Variants in HECW1 observed in about 807,000 individuals in gnomAD.
HECW1 encodes HECT, C2 and WW domain containing E3 ubiquitin protein ligase 1.
A neutral mutation model predicts 182.3 loss-of-function variants in HECW1; 61 were observed. The ratio of observed to expected loss-of-function variants is 0.33; its 90% CI spans 0.27 to 0.41. The LOEUF is 0.41. HECW1 is among the 10% of genes least tolerant of loss of function. The probability of loss-of-function intolerance (pLI) is 1.00; values close to 1 mark genes in which losing one functional copy is unlikely to be tolerated. For synonymous variants in HECW1, 859 were observed against 832.6 expected (o/e 1.03, Z -0.55); for missense variants, 1,739 against 2,108.9 (o/e 0.82, Z 3.44).
Position 43,565,666 on chromosome 7 carries a change from C to T in HECW1, c.*3740C>T, listed in dbSNP as rs890759011. ...ATCATAAAAATCTGGGATGGATGTT[C>T]CAGCCATCATAAGGTCCAAAAGAAA... On this transcript the variant is annotated 3_prime_UTR_variant, in exon 30 of 30. Transcript: ENST00000395891. 5.6e-6 allele frequency: 1 copy of T among 180,026 alleles called. No homozygotes were observed. Among genetic ancestry groups the T allele is most frequent in the Non-Finnish European group, 1.2e-5 (1 of 84,598 alleles). 11.2% of individuals were successfully genotyped at this position (180,026 alleles called of 1,614,324 possible).
intron 11 of HECW1, among the ~76,000 whole-genome samples, chr7:43,445,781 C>T (rs965094994): frequency 1.3e-5 from 2 of 152,184 alleles, no homozygotes; most frequent in African/African-American, 4.8e-5. Flanking sequence ...GTCTCAGATA[C>T]ACACCAGGAA....
At chr7:43,394,761 A>C (rs1382822174) in intron 6 of HECW1, among the ~76,000 whole-genome samples, 2 of 152,190 alleles carry the variant, frequency 1.3e-5, no homozygotes, top group Admixed American at 1.3e-4. Flanking sequence ...CGATTCATCA[A>C]GACAGGGGAA....
chr7:43,396,999 C>A, intron 7 of HECW1, 110 bp downstream of exon 7: 1 of 794,238 alleles, frequency 1.3e-6, no homozygotes, highest in Non-Finnish European at 2.2e-6. Context: ...CCTCTCTGTG[C>A]CTCAATTTCT....
At chr7:43,310,121 TA>T (rs1362499705) in intron 3 of HECW1, among the ~76,000 whole-genome samples, 3 of 152,236 alleles carry the variant, frequency 2.0e-5, no homozygotes, top group Admixed American at 2.0e-4. Flanking sequence ...TGTAAGATGG[TA>T]TTAGCCCACT....
chr7:43,293,399 G>A (rs1805660244), intron 3 of HECW1, among the ~76,000 whole-genome samples: 1 of 152,140 alleles, frequency 6.6e-6, no homozygotes, highest in Admixed American at 6.5e-5. Context: ...TGAAGTGGTA[G>A]CCCACAATCA....
chr7:43,427,592 A>G (rs2076401679), intron 8 of HECW1, among the ~76,000 whole-genome samples: 1 of 152,172 alleles, frequency 6.6e-6, no homozygotes, highest in Non-Finnish European at 1.5e-5. Flanking sequence ...AATTGCCACA[A>G]ATTTAGCAAC....
At chr7:43,169,545 A>G (rs554592804) in intron 2 of HECW1, among the ~76,000 whole-genome samples, 3 of 152,168 alleles carry the variant, frequency 2.0e-5, no homozygotes, top group Non-Finnish European at 4.4e-5. Flanking sequence ...AACTCAGCCC[A>G]ATTTCACTTC....
chr7:43,268,754 TTTG>T (rs145099342), intron 3 of HECW1, among the ~76,000 whole-genome samples: 21,845 of 151,852 alleles, frequency 0.14, 2,057 homozygotes, highest in South Asian at 0.26. Context: ...TGACCTGTGT[TTTG>T]TTGTTGTTGT....
intron 3 of HECW1, among the ~76,000 whole-genome samples, chr7:43,260,418 C>A (rs936542651): frequency 7.2e-5 from 11 of 151,956 alleles, no homozygotes; most frequent in African/African-American, 2.7e-4. Flanking sequence ...ACACAGGGAG[C>A]AAGGAAAAGA....
chr7:43,396,688 A>C (rs1489534297), intron 6 of HECW1, 126 bp from the exon 7 acceptor site: 2 of 652,610 alleles, frequency 3.1e-6, no homozygotes, highest in Non-Finnish European at 5.5e-6. Context: ...ATAGTTGCCC[A>C]GTGAAATCAC....
chr7:43,281,364 G>A (rs1803878764), intron 3 of HECW1, among the ~76,000 whole-genome samples: 1 of 152,218 alleles, frequency 6.6e-6, no homozygotes. Context: ...CTGACATTGG[G>A]TGGACACCTG....
intron 3 of HECW1, among the ~76,000 whole-genome samples, chr7:43,305,468 G>A (rs1438663886): frequency 2.0e-5 from 3 of 152,040 alleles, no homozygotes; most frequent in African/African-American, 7.3e-5. Flanking sequence ...TCTTATAATC[G>A]CCCATAAACA....
intron 3 of HECW1, among the ~76,000 whole-genome samples, chr7:43,291,146 A>G (rs1192924636): frequency 2.0e-5 from 3 of 152,222 alleles, no homozygotes; most frequent in Non-Finnish European, 4.4e-5. Context: ...TAGCACTCGA[A>G]CATAAATTTA....
At chr7:43,258,800 G>C (rs1221078686) in intron 3 of HECW1, 2 of 152,162 alleles carry the variant, frequency 1.3e-5, no homozygotes, top group Non-Finnish European at 2.9e-5. Flanking sequence ...ATTTGTTGGA[G>C]CTAACAGAGG....
At chr7:43,192,638 A>G (rs1395689108) in intron 2 of HECW1, among the ~76,000 whole-genome samples, 1 of 152,252 alleles carries the variant, frequency 6.6e-6, no homozygotes, top group Non-Finnish European at 1.5e-5. Context: ...ATTGGAAAAT[A>G]TAGAAAAGTA....
intron 2 of HECW1, among the ~76,000 whole-genome samples, chr7:43,242,002 G>C (rs1032424070): frequency 6.6e-6 from 1 of 152,066 alleles, no homozygotes; most frequent in African/African-American, 2.4e-5. Context: ...GGGTAAATAA[G>C]TGCCTCTGGA....
rs1799111147 is a variant in HECW1, at chr7:43,243,814, T to C, written c.-31-61T>C. The C allele has an allele frequency of 1.6e-6, 2 of 1,229,800 alleles. No individual in the cohort carries two copies. Among genetic ancestry groups the C allele is most frequent in the Non-Finnish European group, 1.2e-6 (1 of 829,368 alleles). The allele number at this position is 1,229,800 out of a possible 1,614,324, so 76.2% of individuals were successfully genotyped here. A position where few individuals can be genotyped will look rare whatever the true frequency, so the allele number is the denominator to read the frequency against. On this transcript the variant is annotated intron_variant, in intron 2 of 29. Transcript: ENST00000395891. This position sits in a 1 kb window ranked among gnomAD's most constrained non-coding sequence, Gnocchi z 4.0. ...GAAACAATGTTGTTTGTGTGGGTAA[T>C]GTTGCTGATTTTGTTTGCTTGGGAT...
chr7:43,371,220 G>A (rs1182116763), intron 6 of HECW1, among the ~76,000 whole-genome samples: 1 of 152,084 alleles, frequency 6.6e-6, no homozygotes, highest in African/African-American at 2.4e-5. Flanking sequence ...TATGATGGTG[G>A]CTACATGTTA....
chr7:43,361,078 G>A (rs1815838582), intron 6 of HECW1, 98 bp downstream of exon 6: 7 of 729,106 alleles, frequency 9.6e-6, no homozygotes, highest in Non-Finnish European at 1.4e-5. Flanking sequence ...GTGTGTGTGT[G>A]TGTGTGTGTG....
Sources: allele counts gnomAD v4.1 joint callset (sites outside exome capture counted in the v4.1 genomes callset), GRCh38; gene constraint gnomAD v4.1.1; non-coding constraint Gnocchi (gnomAD v3.1); transcripts MANE v1.5; gene names NCBI Gene and HGNC (gene_info 2026-07-23, HGNC 2026-07-21).